The following SLC17A5 variants were observed in gnomAD, a reference collection of about 807,000 sequenced individuals.
The protein encoded by SLC17A5 is sialin.
Under a neutral mutation model 59.4 loss-of-function variants are expected in SLC17A5, and 47 were observed. That is an observed-to-expected ratio of 0.79 (90% CI 0.63 to 1.01). The LOEUF is 1.01. Ranked by LOEUF, SLC17A5 falls within the 50% of genes least tolerant of loss-of-function variation. The probability of loss-of-function intolerance (pLI) is 0.00; values close to 1 mark genes in which losing one functional copy is unlikely to be tolerated. For synonymous variants in SLC17A5, 202 were observed against 210.7 expected, an observed-to-expected ratio of 0.96 and a Z score of 0.36; for missense variants, 522 against 595.5, an observed-to-expected ratio of 0.88 and a Z score of 1.28.
chr6:73,634,953 TC>T (rs1768925680), intron 6 of SLC17A5, among the ~76,000 whole-genome samples: 1 of 152,118 alleles, frequency 6.6e-6, no homozygotes, highest in South Asian at 2.1e-4. Flanking sequence ...AACTTAAGAC[TC>T]ATTTGATAAT....
intron 6 of SLC17A5, among the ~76,000 whole-genome samples, chr6:73,629,200 C>T (rs551502016): frequency 8.1e-4 from 123 of 152,168 alleles, no homozygotes; most frequent in African/African-American, 2.8e-3. Flanking sequence ...CCAGCCTGGG[C>T]AACATGGCAA....
At chr6:73,650,861 C>T (rs753973808) in intron 1 of SLC17A5, among the ~76,000 whole-genome samples, 24 of 152,048 alleles carry the variant, frequency 1.6e-4, no homozygotes, top group Non-Finnish European at 2.8e-4. Flanking sequence ...TGTCTAGAGC[C>T]GTGTATGGGA....
intron 6 of SLC17A5, among the ~76,000 whole-genome samples, chr6:73,632,909 A>AT (rs1386069716): frequency 6.6e-6 from 1 of 151,880 alleles, no homozygotes; most frequent in South Asian, 2.1e-4. Flanking sequence ...AATGTGTTAA[A>AT]TTTTTTTTAC....
intron 6 of SLC17A5, among the ~76,000 whole-genome samples, chr6:73,632,599 T>C (rs1249897753): frequency 2.6e-5 from 4 of 151,360 alleles, no homozygotes; most frequent in African/African-American, 4.9e-5. Flanking sequence ...CATAACCTCA[T>C]GCTTGGCTAA....
chr6:73,595,078 C>T lies in SLC17A5; in HGVS notation c.1487G>A (p.Ter496=), dbSNP rs1041214397. Residue 496 remains the stop codon, a stop_retained_variant, in exon 11 of 11, where the codon TGA becomes TAA. Transcript: ENST00000355773. The part of the protein sequence containing the change: ...ALNDHHGHRH[*] ...AGGCAGGATTATTTATTGGTTCCTTCAGTGTCTGTGTCCATGGTGATCATT... is the reference window on the plus strand; with the variant it reads ...AGGCAGGATTATTTATTGGTTCCTTTAGTGTCTGTGTCCATGGTGATCATT... 43 of 1,613,970 alleles carry T rather than the reference C, an allele frequency of 2.7e-5. No individual in the cohort carries two copies. Among genetic ancestry groups the T allele is most frequent in the Non-Finnish European group, 3.4e-5 (40 of 1,180,002 alleles).
chr6:73,602,863 T>G (rs1266450133), intron 9 of SLC17A5, among the ~76,000 whole-genome samples: 1 of 152,104 alleles, frequency 6.6e-6, no homozygotes, highest in South Asian at 2.1e-4. Context: ...TGAGATATCA[T>G]TTTCATACAG....
chr6:73,623,761 G>A (rs1186233001), intron 6 of SLC17A5, among the ~76,000 whole-genome samples: 1 of 150,720 alleles, frequency 6.6e-6, no homozygotes, highest in East Asian at 2.0e-4. Context: ...GCAGTGGCGC[G>A]ATTTCGGCTC....
intron 9 of SLC17A5, among the ~76,000 whole-genome samples, chr6:73,604,249 A>G (rs1370260578): frequency 6.6e-6 from 1 of 152,140 alleles, no homozygotes; most frequent in Non-Finnish European, 1.5e-5. Flanking sequence ...ATGAAATTCT[A>G]AATGTCAGCA....
At chr6:73,610,694 A>G (rs1767605572) in intron 8 of SLC17A5, 147 bp from the exon 9 acceptor site, 2 of 795,126 alleles carry the variant, frequency 2.5e-6, no homozygotes, top group East Asian at 5.4e-5. Context: ...TTCATGAGAA[A>G]AAAAAAATGC....
intron 1 of SLC17A5, among the ~76,000 whole-genome samples, chr6:73,649,739 CTG>C (rs1769757349): frequency 6.6e-6 from 1 of 150,664 alleles, no homozygotes; most frequent in African/African-American, 2.4e-5. Context: ...CACAGAATAA[CTG>C]TGAATTATTA....
At chr6:73,632,434 CTTTTTTTTT>C (rs1163170650) in intron 6 of SLC17A5, among the ~76,000 whole-genome samples, 21 of 86,790 alleles carry the variant, frequency 2.4e-4, no homozygotes, top group African/African-American at 7.4e-4. Flanking sequence ...GTAGAGAAAG[CTTTTTTTTT>C]TTTTTTTTTT....
At position 73,601,293 on chromosome 6, in the gene SLC17A5, G is replaced by GC. The variant is rs1380015909; in HGVS notation, c.1260-853dup. Among the ~76,000 whole-genome samples the GC allele has an allele frequency of 2.1e-5, 3 of 141,662 alleles. No homozygotes were observed. In the East Asian group the frequency reaches 6.4e-4, roughly 30 times the overall value. 92.9% of individuals were successfully genotyped at this position (141,662 alleles called of 152,430 possible). A position where few individuals can be genotyped will look rare whatever the true frequency, so the allele number is the denominator to read the frequency against. ...AGCCGCCCCGTCTGAGAAGTGAGGAGCCCCTCCGCCCGGCAGCCGCCCCGT... is the reference window on the plus strand; with the variant it reads ...AGCCGCCCCGTCTGAGAAGTGAGGAGCCCCCTCCGCCCGGCAGCCGCCCCGT... On this transcript the variant is annotated intron_variant, in intron 9 of 10. Transcript: ENST00000355773.
rs186024765 is a variant in SLC17A5, at chr6:73,645,713, G to A, written c.95-1110C>T. Among the ~76,000 whole-genome samples the A allele has an allele frequency of 1.8e-3, 269 of 150,618 alleles. 1 individual carries two copies. Among genetic ancestry groups the A allele is most frequent in the Non-Finnish European group, 3.2e-3 (218 of 67,830 alleles). On this transcript the variant is annotated intron_variant, in intron 1 of 10. Transcript: ENST00000355773. ...TGAGGCAGGAGAATGGCGTGAACCC[G>A]GGAGGCGGAGCTTGCAGCGAGAGGA...
chr6:73,638,293 T>A, intron 4 of SLC17A5, 119 bp downstream of exon 4: 1 of 734,388 alleles, frequency 1.4e-6, no homozygotes, highest in South Asian at 1.5e-5. Context: ...CGAAACTTAA[T>A]GTTCTCCCCA....
chr6:73,639,559 CCA>C (rs1769178566), intron 3 of SLC17A5, among the ~76,000 whole-genome samples: 1 of 151,860 alleles, frequency 6.6e-6, no homozygotes, highest in Non-Finnish European at 1.5e-5. Flanking sequence ...TTGGAAATGC[CCA>C]CAGAGATTAT....
chr6:73,632,615 A>T (rs1043904231), intron 6 of SLC17A5, among the ~76,000 whole-genome samples: 1 of 151,008 alleles, frequency 6.6e-6, no homozygotes, highest in Non-Finnish European at 1.5e-5. Flanking sequence ...GCTAATTTTT[A>T]AATTTTTTGT....
In SLC17A5 at chr6:73,595,036, T is replaced by C. The variant is rs750469037; in HGVS notation, c.*41A>G. The C allele has an allele frequency of 6.2e-7, 1 of 1,611,092 alleles. No homozygotes were observed. Among genetic ancestry groups the C allele is most frequent in the Non-Finnish European group, 8.5e-7 (1 of 1,177,388 alleles). ...AGGCACTTTGAGGTTACATGATAAA[T>C]AAAAATACATTAATAGAGGCAGGAT... On this transcript the variant is annotated 3_prime_UTR_variant, in exon 11 of 11. Coordinates refer to ENST00000355773, the MANE Select transcript of SLC17A5 (RefSeq NM_012434.5).
rs1190726334 is a variant in SLC17A5 at position 73,593,396 on chromosome 6, A to AT, written c.*1680dup. ...TCCAAAAATCAATTCACAAAGGTTTATTTTGATGATTTATAAAAGAAACAT... is the reference window on the plus strand; with the variant it reads ...TCCAAAAATCAATTCACAAAGGTTTATTTTTGATGATTTATAAAAGAAACAT... On this transcript the variant is annotated 3_prime_UTR_variant, in exon 11 of 11. Transcript: ENST00000355773. The AT allele has an allele frequency of 6.6e-6, 1 of 152,264 alleles. No homozygotes were observed. Among genetic ancestry groups the AT allele is most frequent in the African/African-American group, 2.4e-5 (1 of 41,466 alleles). The allele number at this position is 152,264 out of a possible 1,614,324, so 9.4% of individuals were successfully genotyped here. A position where few individuals can be genotyped will look rare whatever the true frequency, so the allele number is the denominator to read the frequency against.
At chr6:73,615,880 C>CTT (rs71674685) in intron 7 of SLC17A5, among the ~76,000 whole-genome samples, 3,306 of 97,362 alleles carry the variant, frequency 0.034, 181 homozygotes, top group Non-Finnish European at 0.048. Flanking sequence ...ATGAATCATT[C>CTT]TTTTTTTTTT....
Sources: allele counts gnomAD v4.1 joint callset (sites outside exome capture counted in the v4.1 genomes callset), GRCh38; gene constraint gnomAD v4.1.1; transcripts MANE v1.5; gene names NCBI Gene and HGNC (gene_info 2026-07-23, HGNC 2026-07-21).